The following AGL variants were observed in gnomAD, a reference collection of about 807,000 sequenced individuals.
AGL encodes the protein amylo-alpha-1,6-glucosidase and 4-alpha-glucanotransferase, also known as glycogen debranching enzyme.
In AGL, 128 loss-of-function variants were observed where a neutral mutation model predicts 199.3. The ratio of observed to expected loss-of-function variants is 0.64; its 90% CI spans 0.56 to 0.74. The LOEUF (loss-of-function observed/expected upper bound fraction) is 0.74, where lower values mean the gene tolerates loss of function less well. Among genes scored for constraint, AGL ranks in the 30% least tolerant of loss-of-function variants. The pLI is 0.00. For synonymous variants in AGL, 584 were observed against 594.7 expected (o/e 0.98, Z 0.26); for missense variants, 1,809 against 1,820.8 (o/e 0.99, Z 0.12).
rs866629380 is a variant in AGL, at chr1:99,900,517, A to C, written c.3363-119A>C. The C allele has an allele frequency of 7.4e-5, 69 of 927,242 alleles. No individual in the cohort carries two copies. In the African/African-American group the frequency reaches 1.0e-3, roughly 14 times the overall value. The allele number at this position is 927,242 out of a possible 1,614,324, so 57.4% of individuals were successfully genotyped here. On this transcript the variant is annotated intron_variant, in intron 25 of 33. Transcript: ENST00000361915. ...TGACTACTTTCTACATGAAAATATAAAGAAATAGGGCAAGAGAGAAAACGC... is the reference window on the plus strand; with the variant it reads ...TGACTACTTTCTACATGAAAATATACAGAAATAGGGCAAGAGAGAAAACGC...
chr1:99,871,413 C>T (rs1417935221), intron 7 of AGL, among the ~76,000 whole-genome samples: 1 of 8,524 alleles, frequency 1.2e-4, no homozygotes, highest in Non-Finnish European at 1.8e-4. Flanking sequence ...TTAATGTGCC[C>T]CCCCCCCCCC....
At chr1:99,901,742 A>C (rs1039587423) in intron 26 of AGL, among the ~76,000 whole-genome samples, 7 of 147,954 alleles carry the variant, frequency 4.7e-5, no homozygotes, top group African/African-American at 1.7e-4. Flanking sequence ...CTTTATGTTA[A>C]TAGTTTGTTA....
Position 99,922,024 on chromosome 1 carries a change from C to T in AGL, c.*373C>T, listed in dbSNP as rs1655544659. ...TTTTAATTGTGGTATATATAATCTT[C>T]AGTAACAATACATACTGAATACGCT... is the stretch of plus-strand genomic sequence containing the variant. On this transcript the variant is annotated 3_prime_UTR_variant, in exon 34 of 34. Transcript: ENST00000361915. The T allele has an allele frequency of 5.6e-6, 1 of 177,382 alleles. No homozygotes were observed. Among genetic ancestry groups the T allele is most frequent in the African/African-American group, 2.4e-5 (1 of 41,698 alleles). 11.0% of individuals were successfully genotyped at this position (177,382 alleles called of 1,614,324 possible).
chr1:99,896,877 C>G (rs113546467), intron 25 of AGL, among the ~76,000 whole-genome samples: 45 of 152,304 alleles, frequency 3.0e-4, no homozygotes, highest in African/African-American at 1.0e-3. Context: ...GCGGCACAGT[C>G]TCGGCTCACT....
At chr1:99,907,703 C>CTTTTTTTTTTTTTTTTTTTTTT (rs1654422329) in intron 27 of AGL, among the ~76,000 whole-genome samples, 1 of 24,646 alleles carries the variant, frequency 4.1e-5, no homozygotes, top group African/African-American at 1.3e-4. Flanking sequence ...GTTTTTTTTG[C>CTTTTTTTTTTTTTTTTTTTTTT]TAGTAGCCAT....
upstream of AGL, chr1:99,849,959 A>C (rs1295257546): frequency 1.3e-5 from 2 of 152,296 alleles, no homozygotes; most frequent in Non-Finnish European, 2.9e-5. Context: ...CCCCAGGGCA[A>C]GGAGAAAGCG....
chr1:99,859,352 GTGT>G (rs1649834533), intron 2 of AGL, among the ~76,000 whole-genome samples: 1 of 145,908 alleles, frequency 6.9e-6, no homozygotes, highest in African/African-American at 2.6e-5. Context: ...CATTTTTTCT[GTGT>G]TTTTTTTTTA....
At chr1:99,864,952 T>A (rs1265551666) in intron 5 of AGL, among the ~76,000 whole-genome samples, 1 of 152,194 alleles carries the variant, frequency 6.6e-6, no homozygotes, top group Admixed American at 6.5e-5. Context: ...CAATCACATT[T>A]CAAAAATATT....
Position 99,910,501 on chromosome 1 carries a change from T to C in AGL, c.3701-211T>C, listed in dbSNP as rs11166374. 0.011 allele frequency among the ~76,000 whole-genome samples: 1,732 copies of C among 152,264 alleles called. 41 individuals carry two copies. Among genetic ancestry groups the C allele is most frequent in the African/African-American group, 0.039 (1,618 of 41,558 alleles). The stretch of plus-strand genomic sequence containing the variant: ...AGTAAGGGTTTCTCTAGAATATATA[T>C]AGAAATGAAATTCCTATGTGGTAGA... On this transcript the variant is annotated intron_variant, in intron 27 of 33. Transcript: ENST00000361915.
intron 3 of AGL, among the ~76,000 whole-genome samples, chr1:99,861,998 G>A (rs1165613531): frequency 6.6e-6 from 1 of 151,984 alleles, no homozygotes; most frequent in East Asian, 1.9e-4. Context: ...ATTACTGATA[G>A]GTTTTAGTAT....
intron 12 of AGL, among the ~76,000 whole-genome samples, chr1:99,878,111 A>C (rs1651703490): frequency 6.6e-6 from 1 of 152,202 alleles, no homozygotes; most frequent in Admixed American, 6.6e-5. Flanking sequence ...CATATTGGCT[A>C]CTGTGAATAC....
In AGL at chr1:99,880,803, C is replaced by T; in HGVS notation, c.1899+8C>T. Reference sequence around the variant, plus strand: ...AATGAGTGTCCTATTGTGGTAAGCACCTAATCTTTTTCATGTACTTATTTT... The same window carrying T: ...AATGAGTGTCCTATTGTGGTAAGCATCTAATCTTTTTCATGTACTTATTTT... On this transcript the variant is annotated splice_region_variant and intron_variant, in intron 14 of 33. Transcript: ENST00000361915. The T allele has an allele frequency of 6.2e-7, 1 of 1,613,740 alleles. No individual in the cohort carries two copies. The highest frequency in any genetic ancestry group is 8.5e-7 in the Non-Finnish European group (1 of 1,179,782).
intron 5 of AGL, 139 bp from the exon 6 acceptor site, chr1:99,870,261 A>C: frequency 1.2e-6 from 1 of 863,424 alleles, no homozygotes; most frequent in Non-Finnish European, 1.8e-6. Flanking sequence ...TTCCTGTAAC[A>C]GTATCATCGT....
chr1:99,902,117 A>T (rs1378033751), intron 26 of AGL, among the ~76,000 whole-genome samples: 1 of 152,144 alleles, frequency 6.6e-6, no homozygotes, highest in African/African-American at 2.4e-5. Flanking sequence ...GCTTCTATTT[A>T]ACATTCTTTA....
chr1:99,894,771 A>G (rs1653172536), intron 24 of AGL, among the ~76,000 whole-genome samples: 1 of 152,106 alleles, frequency 6.6e-6, no homozygotes, highest in South Asian at 2.1e-4. Context: ...ACATTTTAAT[A>G]TTTGTTTTTT....
chr1:99,877,004 C>T (rs534418040), intron 11 of AGL, among the ~76,000 whole-genome samples: 1 of 152,276 alleles, frequency 6.6e-6, no homozygotes, highest in Admixed American at 6.5e-5. Context: ...GCAATTAAAC[C>T]AGAACCTAAT....
intron 2 of AGL, among the ~76,000 whole-genome samples, chr1:99,857,847 A>AGAGGGAGGCCGGGGGGAGGGGGGGGGGGG (rs1557743553): frequency 1.2e-4 from 1 of 8,226 alleles, no homozygotes; most frequent in Non-Finnish European, 2.4e-4. Context: ...GGGGAGGGGG[A>AGAGGGAGGCCGGGGGGAGGGGGGGGGGGG]GGGGGGAAGA....
intron 10 of AGL, among the ~76,000 whole-genome samples, 180 bp downstream of exon 10, chr1:99,875,635 G>A (rs2101129331): frequency 6.6e-6 from 1 of 152,258 alleles, no homozygotes; most frequent in East Asian, 1.9e-4. Context: ...CAAATATTTT[G>A]TTAGAGAAAC....
intron 26 of AGL, among the ~76,000 whole-genome samples, chr1:99,902,039 A>G (rs1653882120): frequency 1.3e-5 from 2 of 152,070 alleles, no homozygotes; most frequent in Non-Finnish European, 2.9e-5. Flanking sequence ...TTTATATTAT[A>G]GAGTTTTGGT....
Sources: allele counts gnomAD v4.1 joint callset (sites outside exome capture counted in the v4.1 genomes callset), GRCh38; gene constraint gnomAD v4.1.1; transcripts MANE v1.5; gene names NCBI Gene and HGNC (gene_info 2026-07-23, HGNC 2026-07-21).